MAVS: variants seen among roughly 807,000 people sequenced by gnomAD.
MAVS encodes mitochondrial antiviral signaling protein, also known as mitochondrial antiviral-signaling protein.
In MAVS, 20 loss-of-function variants were observed where a neutral mutation model predicts 30.2. The ratio of observed to expected loss-of-function variants is 0.66; its 90% CI spans 0.47 to 0.96. The LOEUF (loss-of-function observed/expected upper bound fraction) is 0.96, where lower values mean the gene tolerates loss of function less well. Among genes scored for constraint, MAVS ranks in the 40% least tolerant of loss-of-function variants. MAVS has a pLI of 0.00. For synonymous variants in MAVS, 278 were observed against 293.9 expected, an observed-to-expected ratio of 0.95 and a Z score of 0.55; for missense variants, 624 against 701.1, an observed-to-expected ratio of 0.89 and a Z score of 1.24.
At chr20:3,862,957 AGACGGGAG>A (rs2089877808) in intron 5 of MAVS, among the ~76,000 whole-genome samples, 1 of 152,182 alleles carries the variant, frequency 6.6e-6, no homozygotes, top group Non-Finnish European at 1.5e-5. Flanking sequence ...CTCCCTCCCT[AGACGGGAG>A]GACTGACAGG....
chr20:3,852,221 C>T (rs2146757229), intron 1 of MAVS, among the ~76,000 whole-genome samples: 1 of 152,072 alleles, frequency 6.6e-6, no homozygotes, highest in South Asian at 2.1e-4. Context: ...GTCTTGATCT[C>T]CTGACCTCGT....
intron 1 of MAVS, among the ~76,000 whole-genome samples, chr20:3,853,236 C>G (rs900328550): frequency 1.0e-4 from 15 of 150,244 alleles, no homozygotes; most frequent in Middle Eastern, 3.4e-3. Context: ...CCTGTAATCC[C>G]AGCACTTTGG....
chr20:3,862,537 G>A, intron 5 of MAVS, 124 bp downstream of exon 5: 5 of 1,038,370 alleles, frequency 4.8e-6, no homozygotes, highest in Non-Finnish European at 6.8e-6. Flanking sequence ...TTCAACCCAG[G>A]AAGCAAACCA....
chr20:3,867,556 A>ACCGAGAT lies in MAVS; in HGVS notation c.*1410_*1411insCGAGATC. 1 of 156,968 alleles carries ACCGAGAT rather than the reference A, an allele frequency of 6.4e-6. No homozygotes were observed. The highest frequency in any genetic ancestry group is 6.1e-5 in the Admixed American group (1 of 16,394). The allele number at this position is 156,968 out of a possible 1,614,324, so 9.7% of individuals were successfully genotyped here. On this transcript the variant is annotated 3_prime_UTR_variant, in exon 7 of 7. Transcript: ENST00000428216. ...AGCTGCAGTGAGCTAGGATCGTGCCACTGCACTCCAACCTGGGTGAGAGAG... is the reference window on the plus strand; with the variant it reads ...AGCTGCAGTGAGCTAGGATCGTGCCACCGAGATCTGCACTCCAACCTGGGTGAGAGAG...
chr20:3,872,078 C>G lies in MAVS; in HGVS notation c.*5931C>G, dbSNP rs2089959947. On this transcript the variant is annotated 3_prime_UTR_variant, in exon 7 of 7. Coordinates refer to ENST00000428216, the MANE Select transcript of MAVS (RefSeq NM_020746.5). The stretch of plus-strand genomic sequence containing the variant: ...AGGGAAAACTCTGACCCCGGGGCCC[C>G]AGGCTGGATGTTCTTTATGCCTGTG... 6.6e-6 allele frequency: 1 copy of G among 152,334 alleles called. No individual in the cohort carries two copies. The highest frequency in any genetic ancestry group is 1.5e-5 in the Non-Finnish European group (1 of 68,044). The allele number at this position is 152,334 out of a possible 1,614,324, so 9.4% of individuals were successfully genotyped here.
chr20:3,862,455 C>A, intron 5 of MAVS, 42 bp downstream of exon 5: 1 of 1,577,258 alleles, frequency 6.3e-7, no homozygotes, highest in Non-Finnish European at 8.6e-7. Context: ...TCTGATCTCT[C>A]AAGTGAGGGT....
At chr20:3,858,525 G>A (rs6052129) in intron 3 of MAVS, among the ~76,000 whole-genome samples, 151,434 of 152,008 alleles carry the variant, frequency 1, 75,433 homozygotes, top group Middle Eastern at 1. Flanking sequence ...TAAAAATACA[G>A]AAAATTAGCC....
chr20:3,855,184 C>CAGCATTTTTTTTTTTTTTTTTTTT (rs2089799803), intron 2 of MAVS, among the ~76,000 whole-genome samples: 1 of 152,150 alleles, frequency 6.6e-6, no homozygotes, highest in Admixed American at 6.6e-5. Context: ...CCACCGCACC[C>CAGCATTTTTTTTTTTTTTTTTTTT]TTGCTGCTTT....
At chr20:3,861,557 A>G (rs1653038730) in intron 4 of MAVS, 53 bp downstream of exon 4, 3 of 1,569,418 alleles carry the variant, frequency 1.9e-6, no homozygotes, top group Admixed American at 3.6e-5. Context: ...CTATCTGCCC[A>G]CTTCTGCCCA....
intron 2 of MAVS, among the ~76,000 whole-genome samples, chr20:3,855,670 G>A (rs185352909): frequency 3.0e-4 from 45 of 152,314 alleles, no homozygotes; most frequent in African/African-American, 1.0e-3. Context: ...CACACAGATC[G>A]CATTAGTATG....
Position 3,875,957 on chromosome 20 carries a change from C to A in MAVS, c.*9810C>A, listed in dbSNP as rs1485951845. 1 of 152,306 alleles carries A rather than the reference C, an allele frequency of 6.6e-6. No individual in the cohort carries two copies. The highest frequency in any genetic ancestry group is 2.4e-5 in the African/African-American group (1 of 41,434). The allele number at this position is 152,306 out of a possible 1,614,324, so 9.4% of individuals were successfully genotyped here. A position where few individuals can be genotyped will look rare whatever the true frequency, so the allele number is the denominator to read the frequency against. ...ATCACATACAGCTGGAAATCGGCTT[C>A]TTGCAGGAGGCGTATCCAAAGGAAT... On this transcript the variant is annotated 3_prime_UTR_variant, in exon 7 of 7. Transcript: ENST00000428216.
Position 3,861,409 on chromosome 20 carries a change from G to A in MAVS, c.370G>A (p.Ala124Thr). 1 of 1,614,094 alleles carries A rather than the reference G, an allele frequency of 6.2e-7. No homozygotes were observed. The highest frequency in any genetic ancestry group is 8.5e-7 in the Non-Finnish European group (1 of 1,180,010). The change falls in exon 4 of 7, where the codon GCG (alanine) becomes ACG (threonine). Residue 124 changes from alanine to threonine, a missense_variant. Physicochemically the swap from Ala to Thr is moderately conservative, Grantham distance 58. Transcript: ENST00000428216. ...AERPGPPTPAAAHSIPYNSCR... is the reference protein window; with the variant it reads ...AERPGPPTPATAHSIPYNSCR... Reference sequence around the variant, plus strand: ...GAGGCCAGGGCCCCCCACACCTGCTGCGGCCCACAGCATCCCCTACAACAG... The same window carrying A: ...GAGGCCAGGGCCCCCCACACCTGCTACGGCCCACAGCATCCCCTACAACAG...
intron 2 of MAVS, among the ~76,000 whole-genome samples, chr20:3,856,561 A>T (rs2089812485): frequency 6.6e-6 from 1 of 151,710 alleles, no homozygotes; most frequent in African/African-American, 2.4e-5. Flanking sequence ...CATGTTGGTC[A>T]GGCTGGTCTT....
intron 5 of MAVS, 30 bp from the exon 6 acceptor site, chr20:3,864,226 G>C: frequency 6.3e-7 from 1 of 1,580,450 alleles, no homozygotes; most frequent in Non-Finnish European, 8.6e-7. Context: ...CTTTGGGTCT[G>C]TGTTTCCACT....
intron 3 of MAVS, among the ~76,000 whole-genome samples, chr20:3,858,708 C>A (rs936758469): frequency 1.4e-4 from 21 of 150,790 alleles, no homozygotes; most frequent in Non-Finnish European, 3.1e-4. Context: ...TCAAGCCAGC[C>A]CTATTTATAT....
At chr20:3,850,983 G>A (rs901994898) in intron 1 of MAVS, among the ~76,000 whole-genome samples, 1 of 151,530 alleles carries the variant, frequency 6.6e-6, no homozygotes, top group Admixed American at 6.6e-5. Context: ...TCAAGAGTTC[G>A]AGACCAGCCT....
Position 3,874,258 on chromosome 20 carries a change from G to A in MAVS, c.*8111G>A. 1 of 398,554 alleles carries A rather than the reference G, an allele frequency of 2.5e-6. No homozygotes were observed. Among genetic ancestry groups the A allele is most frequent in the Non-Finnish European group, 4.4e-6 (1 of 226,050 alleles). 24.7% of individuals were successfully genotyped at this position (398,554 alleles called of 1,614,324 possible). ...CTGATCCATGGTGTTAGAAGCCAGG[G>A]GAACAGTTAACAGGGGAGGGATACT... On this transcript the variant is annotated 3_prime_UTR_variant, in exon 7 of 7. Transcript: ENST00000428216.
rs1383030283 is a variant in MAVS at position 3,872,005 on chromosome 20, A to C, written c.*5858A>C. On this transcript the variant is annotated 3_prime_UTR_variant, in exon 7 of 7. Coordinates refer to ENST00000428216, the MANE Select transcript of MAVS (RefSeq NM_020746.5). ...GAGATACCATCTCAACCCAATTGAC[A>C]GCTGGTTTGCAAGATTAGGAGGGAT... is the stretch of plus-strand genomic sequence containing the variant. 6.6e-6 allele frequency: 1 copy of C among 152,338 alleles called. No homozygotes were observed. The highest frequency in any genetic ancestry group is 1.5e-5 in the Non-Finnish European group (1 of 68,048). The allele number at this position is 152,338 out of a possible 1,614,324, so 9.4% of individuals were successfully genotyped here.
rs1424625506 is a variant in MAVS at position 3,870,490 on chromosome 20, A to G, written c.*4343A>G. 1 of 152,098 alleles carries G rather than the reference A, an allele frequency of 6.6e-6. No homozygotes were observed. The highest frequency in any genetic ancestry group is 1.5e-5 in the Non-Finnish European group (1 of 68,038). The allele number at this position is 152,098 out of a possible 1,614,324, so 9.4% of individuals were successfully genotyped here. A position where few individuals can be genotyped will look rare whatever the true frequency, so the allele number is the denominator to read the frequency against. On this transcript the variant is annotated 3_prime_UTR_variant, in exon 7 of 7. Transcript: ENST00000428216. ...TTCCTTGCTAGGTGTTCTCAGATTT[A>G]TGAGACTTCTTAGTCAAATATGAGG...
Sources: allele counts gnomAD v4.1 joint callset (sites outside exome capture counted in the v4.1 genomes callset), GRCh38; gene constraint gnomAD v4.1.1; transcripts MANE v1.5; gene names NCBI Gene and HGNC (gene_info 2026-07-23, HGNC 2026-07-21).